The following PRRX1 variants were observed in gnomAD, a reference collection of about 807,000 sequenced individuals.
PRRX1 encodes paired related homeobox 1.
Under a neutral mutation model 24.0 loss-of-function variants are expected in PRRX1, and 8 were observed. That is an observed-to-expected ratio of 0.33 (90% CI 0.20 to 0.60). The LOEUF is 0.60. Ranked by LOEUF, PRRX1 falls within the 20% of genes least tolerant of loss-of-function variation. The pLI is 0.82. For synonymous variants in PRRX1, 160 were observed against 131.7 expected, an observed-to-expected ratio of 1.22 and a Z score of -1.47; for missense variants, 281 against 322.4, an observed-to-expected ratio of 0.87 and a Z score of 0.98.
chr1:170,665,003 C>G (rs57040325), intron 1 of PRRX1, among the ~76,000 whole-genome samples: 26,209 of 152,254 alleles, frequency 0.17, 2,552 homozygotes, highest in Middle Eastern at 0.32. Flanking sequence ...CCGGGCGCGA[C>G]CGGGAGGCCC....
At chr1:170,674,240 G>T in intron 1 of PRRX1, among the ~76,000 whole-genome samples, 1 of 150,920 alleles carries the variant, frequency 6.6e-6, no homozygotes, top group African/African-American at 2.4e-5. Context: ...GCGCACGCAC[G>T]CACACACACA....
At position 170,664,478 on chromosome 1, in the gene PRRX1, C is replaced by T. The variant is rs1033679604; in HGVS notation, c.241+19C>T. 3 of 1,586,078 alleles carry T rather than the reference C, an allele frequency of 1.9e-6. No homozygotes were observed. Among genetic ancestry groups the T allele is most frequent in the Non-Finnish European group, 1.7e-6 (2 of 1,167,060 alleles). On this transcript the variant is annotated intron_variant, in intron 1 of 3. Transcript: ENST00000239461. ...CAGGACAGTGAGTGAGGGGCGCATGCCCACGGGGGTGTGTGCCCGGGACAG... is the reference window on the plus strand; with the variant it reads ...CAGGACAGTGAGTGAGGGGCGCATGTCCACGGGGGTGTGTGCCCGGGACAG...
At chr1:170,712,064 A>G (rs1480111572) in intron 1 of PRRX1, among the ~76,000 whole-genome samples, 1 of 152,216 alleles carries the variant, frequency 6.6e-6, no homozygotes, top group African/African-American at 2.4e-5. Context: ...GAATTTTCAT[A>G]ACCTGTCTTT....
At position 170,737,930 on chromosome 1, in the gene PRRX1, A is replaced by G. The variant is rs1655676803; in HGVS notation, c.*1744A>G. ...GGGACTATAAAAGTGTACAATGTTA[A>G]TGGAATGATACGGTACCTGAAAGCC... On this transcript the variant is annotated 3_prime_UTR_variant, in exon 4 of 4. Coordinates refer to ENST00000239461, the MANE Select transcript of PRRX1 (RefSeq NM_022716.4). The G allele has an allele frequency of 4.6e-6, 1 of 216,314 alleles. No homozygotes were observed. The allele number at this position is 216,314 out of a possible 1,614,324, so 13.4% of individuals were successfully genotyped here. A position where few individuals can be genotyped will look rare whatever the true frequency, so the allele number is the denominator to read the frequency against.
rs186213749 is a variant in PRRX1 at position 170,692,128 on chromosome 1, A to T, written c.242-27598A>T. 3.3e-5 allele frequency among the ~76,000 whole-genome samples: 5 copies of T among 152,248 alleles called. No homozygotes were observed. In the East Asian group the frequency reaches 9.6e-4, roughly 29 times the overall value. On this transcript the variant is annotated intron_variant, in intron 1 of 3. Coordinates refer to ENST00000239461, the MANE Select transcript of PRRX1 (RefSeq NM_022716.4). The stretch of plus-strand genomic sequence containing the variant: ...ATGCCATGAGAGAGGAGCCAATTCC[A>T]TAATAAAGTTGTTTTTATCCTGGCA...
chr1:170,664,600 G>A (rs897038568), intron 1 of PRRX1, 141 bp downstream of exon 1: 23 of 1,331,522 alleles, frequency 1.7e-5, no homozygotes, highest in Non-Finnish European at 7.0e-6. Context: ...CAAAGGAAGG[G>A]CCAGTCACAG....
chr1:170,731,582 G>A (rs1460706731), intron 3 of PRRX1, among the ~76,000 whole-genome samples: 3 of 152,146 alleles, frequency 2.0e-5, no homozygotes, highest in Non-Finnish European at 4.4e-5. Flanking sequence ...ATCGTAGTAC[G>A]AATAGTATTT....
At position 170,736,861 on chromosome 1, in the gene PRRX1, G is replaced by C. The variant is rs1227690957; in HGVS notation, c.*675G>C. Reference sequence around the variant, plus strand: ...CGTCTGGCTAATTCTAAGCACTAAAGTCTACATCTAAGCTATAGATTTAAG... The same window carrying C: ...CGTCTGGCTAATTCTAAGCACTAAACTCTACATCTAAGCTATAGATTTAAG... On this transcript the variant is annotated 3_prime_UTR_variant, in exon 4 of 4. Coordinates refer to ENST00000239461, the MANE Select transcript of PRRX1 (RefSeq NM_022716.4). 1 of 195,936 alleles carries C rather than the reference G, an allele frequency of 5.1e-6. No homozygotes were observed. Among genetic ancestry groups the C allele is most frequent in the Non-Finnish European group, 1.1e-5 (1 of 94,158 alleles). The allele number at this position is 195,936 out of a possible 1,614,324, so 12.1% of individuals were successfully genotyped here.
At position 170,738,275 on chromosome 1, in the gene PRRX1, T is replaced by C. The variant is rs1184698656; in HGVS notation, c.*2089T>C. 1 of 225,226 alleles carries C rather than the reference T, an allele frequency of 4.4e-6. No individual in the cohort carries two copies. The highest frequency in any genetic ancestry group is 8.9e-6 in the Non-Finnish European group (1 of 112,930). The allele number at this position is 225,226 out of a possible 1,614,324, so 14.0% of individuals were successfully genotyped here. A position where few individuals can be genotyped will look rare whatever the true frequency, so the allele number is the denominator to read the frequency against. On this transcript the variant is annotated 3_prime_UTR_variant, in exon 4 of 4. Coordinates refer to ENST00000239461, the MANE Select transcript of PRRX1 (RefSeq NM_022716.4). Reference sequence around the variant, plus strand: ...ACACATTTGTATTTCCCTTGGCATATCAGATTGAGCTAATGGTGATGTTAT... The same window carrying C: ...ACACATTTGTATTTCCCTTGGCATACCAGATTGAGCTAATGGTGATGTTAT...
intron 1 of PRRX1, among the ~76,000 whole-genome samples, chr1:170,712,318 C>T (rs987357326): frequency 1.3e-5 from 2 of 152,068 alleles, no homozygotes; most frequent in Non-Finnish European, 2.9e-5. Flanking sequence ...GATATATATC[C>T]TTGTGCAATT....
intron 1 of PRRX1, among the ~76,000 whole-genome samples, chr1:170,670,182 C>A (rs914104348): frequency 2.6e-5 from 4 of 152,178 alleles, no homozygotes; most frequent in African/African-American, 9.7e-5. Flanking sequence ...TTGTCGAATT[C>A]TGTATTTTAC....
At chr1:170,679,913 A>G (rs537717867) in intron 1 of PRRX1, among the ~76,000 whole-genome samples, 1 of 152,320 alleles carries the variant, frequency 6.6e-6, no homozygotes, top group South Asian at 2.1e-4. Context: ...GATAAAGCAC[A>G]ATATTTCTAT....
chr1:170,664,428 C>T lies in PRRX1; in HGVS notation c.210C>T (p.Leu70=), dbSNP rs372174969. 5.5e-4 allele frequency: 883 copies of T among 1,608,154 alleles called. 3 individuals are homozygous for T. The highest frequency in any genetic ancestry group is 3.9e-3 in the Middle Eastern group (23 of 5,894). The stretch of plus-strand genomic sequence containing the variant: ...GGAGCCTGCTGGAGTCGCCGGGACT[C>T]ACCAGCGGCAGCGACACCCCGCAGC... ...AGRSLLESPG[L]TSGSDTPQQD... Residue 70 remains leucine (L), a synonymous_variant, in exon 1 of 4, where the codon CTC becomes CTT. Transcript: ENST00000239461.
At chr1:170,730,326 T>G (rs1213627778) in intron 3 of PRRX1, 1 of 1,611,932 alleles carries the variant, frequency 6.2e-7, no homozygotes, top group South Asian at 1.1e-5. Flanking sequence ...TCATAACGGA[T>G]TCTAACGGAA....
At chr1:170,692,024 AG>A (rs1314978764) in intron 1 of PRRX1, among the ~76,000 whole-genome samples, 2 of 152,112 alleles carry the variant, frequency 1.3e-5, no homozygotes, top group Non-Finnish European at 2.9e-5. Context: ...CCTGTCCTTT[AG>A]GAAACTTAAG....
chr1:170,712,316 T>A (rs1654777491), intron 1 of PRRX1, among the ~76,000 whole-genome samples: 2 of 152,118 alleles, frequency 1.3e-5, no homozygotes, highest in African/African-American at 2.4e-5. Flanking sequence ...ATGATATATA[T>A]CCTTGTGCAA....
At chr1:170,730,879 A>C (rs998765251) in intron 3 of PRRX1, among the ~76,000 whole-genome samples, 4 of 152,178 alleles carry the variant, frequency 2.6e-5, no homozygotes, top group African/African-American at 4.8e-5. Flanking sequence ...ATCGATAAGC[A>C]GTGTGCGCTT....
intron 2 of PRRX1, among the ~76,000 whole-genome samples, chr1:170,723,643 G>T (rs1175593233): frequency 6.6e-6 from 1 of 152,194 alleles, no homozygotes; most frequent in Non-Finnish European, 1.5e-5. Flanking sequence ...AATTTCAACA[G>T]ATTACAGTCA....
chr1:170,702,093 T>C (rs1654404430), intron 1 of PRRX1, among the ~76,000 whole-genome samples: 1 of 152,164 alleles, frequency 6.6e-6, no homozygotes, highest in African/African-American at 2.4e-5. Context: ...ATAAGGAACC[T>C]GCAACCTAGA....
Sources: allele counts gnomAD v4.1 joint callset (sites outside exome capture counted in the v4.1 genomes callset), GRCh38; gene constraint gnomAD v4.1.1; transcripts MANE v1.5; gene names NCBI Gene and HGNC (gene_info 2026-07-23, HGNC 2026-07-21).